Variants in CSMD1 observed in about 807,000 individuals in gnomAD.
CSMD1 encodes CUB and sushi domain-containing protein 1.
A neutral mutation model predicts 417.5 loss-of-function variants in CSMD1; 213 were observed. The ratio of observed to expected loss-of-function variants is 0.51; its 90% CI spans 0.46 to 0.57. The LOEUF is 0.57. Among genes scored for constraint, CSMD1 ranks in the 20% least tolerant of loss-of-function variants. The probability of loss-of-function intolerance (pLI) is 0.00; values close to 1 mark genes in which losing one functional copy is unlikely to be tolerated. For missense variants in CSMD1, 6,923 were observed against 4,529.7 expected, an observed-to-expected ratio of 1.53 and a Z score of -15.17; for synonymous variants, 2,862 against 1,736.8, an observed-to-expected ratio of 1.65 and a Z score of -16.11.
At chr8:4,040,639 G>A (rs112153888) in intron 3 of CSMD1, among the ~76,000 whole-genome samples, 1 of 152,126 alleles carries the variant, frequency 6.6e-6, no homozygotes, top group Non-Finnish European at 1.5e-5. Flanking sequence ...AGGTAGAATG[G>A]AGGGCACAAC....
At chr8:4,869,040 C>T in intron 1 of CSMD1, among the ~76,000 whole-genome samples, 1 of 151,450 alleles carries the variant, frequency 6.6e-6, no homozygotes, top group East Asian at 1.9e-4. Flanking sequence ...TACTACATAC[C>T]ATTTCCAAAC....
intron 8 of CSMD1, among the ~76,000 whole-genome samples, chr8:3,587,403 G>A (rs1033193215): frequency 2.0e-5 from 3 of 152,180 alleles, no homozygotes; most frequent in South Asian, 4.2e-4. Context: ...AGAAACCACG[G>A]GTTGATGTTG....
At chr8:3,076,085 G>A (rs974795462) in intron 49 of CSMD1, among the ~76,000 whole-genome samples, 1 of 151,732 alleles carries the variant, frequency 6.6e-6, no homozygotes, top group African/African-American at 2.4e-5. Flanking sequence ...CGTTGTCACT[G>A]TTTATTTTTA....
In CSMD1 at chr8:4,758,363, G is replaced by A. The variant is rs373054229; in HGVS notation, c.86-120805C>T. 1.1e-4 allele frequency among the ~76,000 whole-genome samples: 17 copies of A among 152,242 alleles called. No homozygotes were observed. In the East Asian group the frequency reaches 1.6e-3, roughly 14 times the overall value. ...TTTAGAATTTGCCTCTATGTATTAT[G>A]CATTTTCAAGTTGCACCCAATCCTG... On this transcript the variant is annotated intron_variant, in intron 1 of 69. Coordinates refer to ENST00000635120, the MANE Select transcript of CSMD1 (RefSeq NM_033225.6).
At chr8:4,787,519 G>C (rs1168486101) in intron 1 of CSMD1, 1 of 1,096,942 alleles carries the variant, frequency 9.1e-7, no homozygotes, top group Admixed American at 1.9e-5. Context: ...AGTTATTATA[G>C]GAAGCAGGTA....
At chr8:3,642,946 TA>T (rs909621268) in intron 7 of CSMD1, among the ~76,000 whole-genome samples, 18 of 150,888 alleles carry the variant, frequency 1.2e-4, no homozygotes, top group African/African-American at 3.9e-4. Context: ...ATAGTTAAAA[TA>T]AAAAAATACA....
chr8:3,144,553 C>G (rs1322158531), intron 40 of CSMD1, among the ~76,000 whole-genome samples: 1 of 151,970 alleles, frequency 6.6e-6, no homozygotes, highest in Non-Finnish European at 1.5e-5. Flanking sequence ...ACTACATCGC[C>G]AGTCAAGAAA....
intron 3 of CSMD1, among the ~76,000 whole-genome samples, chr8:4,306,365 G>C (rs1232666422): frequency 2.0e-5 from 3 of 151,408 alleles, no homozygotes; most frequent in East Asian, 2.0e-4. Context: ...TAATCAATGA[G>C]CCTCACTCTG....
intron 46 of CSMD1, among the ~76,000 whole-genome samples, chr8:3,099,595 C>G (rs531170559): frequency 1.3e-5 from 2 of 152,306 alleles, no homozygotes; most frequent in African/African-American, 4.8e-5. Flanking sequence ...ATAACTGCAG[C>G]TATAGTTATC....
chr8:3,338,827 A>C (rs1168388678), intron 23 of CSMD1, among the ~76,000 whole-genome samples: 1 of 146,304 alleles, frequency 6.8e-6, no homozygotes, highest in Non-Finnish European at 1.5e-5. Context: ...TTTTTTTTTA[A>C]ATTTTTATTT....
In CSMD1 at chr8:3,434,422, T is replaced by A. The variant is rs531396270; in HGVS notation, c.1562-24817A>T. On this transcript the variant is annotated intron_variant, in intron 12 of 69. Coordinates refer to ENST00000635120, the MANE Select transcript of CSMD1 (RefSeq NM_033225.6). ...TTGTAAAGAGTTCCAGTTAATTCAA[T>A]ATTTGCTTATTCCATACAAGCCTAT... 6.6e-5 allele frequency among the ~76,000 whole-genome samples: 10 copies of A among 152,366 alleles called. No individual in the cohort carries two copies. The South Asian group carries it at 1.4e-3, about 22-fold the overall frequency.
chr8:3,882,882 G>T (rs552302493), intron 5 of CSMD1, among the ~76,000 whole-genome samples: 2 of 152,248 alleles, frequency 1.3e-5, no homozygotes, highest in Admixed American at 6.5e-5. Context: ...TGGGACTGAC[G>T]ATTTCAAGAG....
chr8:4,994,655 G>C lies in CSMD1; in HGVS notation c.-239C>G. On this transcript the variant is annotated 5_prime_UTR_variant, in exon 1 of 70. Transcript: ENST00000635120. ...GCTCCGAGCGCGGAGACCCGGGCTGGCGGGGCCGGGGCCGGGGACGAGCGC... is the reference window on the plus strand; with the variant it reads ...GCTCCGAGCGCGGAGACCCGGGCTGCCGGGGCCGGGGCCGGGGACGAGCGC... The C allele has an allele frequency of 2.2e-6, 1 of 445,722 alleles. No homozygotes were observed. 27.6% of individuals were successfully genotyped at this position (445,722 alleles called of 1,614,324 possible). A position where few individuals can be genotyped will look rare whatever the true frequency, so the allele number is the denominator to read the frequency against.
intron 1 of CSMD1, among the ~76,000 whole-genome samples, chr8:4,905,547 CA>C (rs1239855799): frequency 1.3e-5 from 2 of 152,214 alleles, no homozygotes; most frequent in East Asian, 3.9e-4. Flanking sequence ...CGGTCAGACA[CA>C]GTGGCTCACA....
rs146706172 is a variant in CSMD1 at position 4,503,012 on chromosome 8, G to T, written c.303-82947C>A. ...TTTTCTGGCACAGGAAATAAAAAAA[G>T]CTATCATAATTGAAACGTTTATGAA... On this transcript the variant is annotated intron_variant, in intron 2 of 69. Coordinates refer to ENST00000635120, the MANE Select transcript of CSMD1 (RefSeq NM_033225.6). 1.2e-4 allele frequency among the ~76,000 whole-genome samples: 18 copies of T among 152,218 alleles called. No individual in the cohort carries two copies. In the East Asian group the frequency reaches 3.5e-3, roughly 29 times the overall value.
chr8:4,321,385 C>G (rs535492931), intron 3 of CSMD1, among the ~76,000 whole-genome samples: 1 of 152,108 alleles, frequency 6.6e-6, no homozygotes, highest in South Asian at 2.1e-4. Context: ...ACGGAGCAAT[C>G]AGAAGAGTTT....
intron 2 of CSMD1, among the ~76,000 whole-genome samples, chr8:4,522,914 A>C (rs763630813): frequency 9.2e-5 from 14 of 152,108 alleles, no homozygotes; most frequent in Non-Finnish European, 1.9e-4. Context: ...TCCTACAAAT[A>C]AGGACATTGC....
chr8:4,977,582 G>A (rs1456561847), intron 1 of CSMD1, among the ~76,000 whole-genome samples: 2 of 152,194 alleles, frequency 1.3e-5, no homozygotes, highest in Non-Finnish European at 2.9e-5. Context: ...GCCTTTGGGT[G>A]GATCTCACTG....
chr8:4,176,880 C>T (rs1361098001), intron 3 of CSMD1, among the ~76,000 whole-genome samples: 3 of 148,724 alleles, frequency 2.0e-5, no homozygotes, highest in Admixed American at 6.8e-5. Flanking sequence ...GAAGAGCTAA[C>T]TATCCTAAAT....
Sources: allele counts gnomAD v4.1 joint callset (sites outside exome capture counted in the v4.1 genomes callset), GRCh38; gene constraint gnomAD v4.1.1; transcripts MANE v1.5; gene names NCBI Gene and HGNC (gene_info 2026-07-23, HGNC 2026-07-21).